The following WDR59 variants were observed in gnomAD, a reference collection of about 807,000 sequenced individuals.
WDR59 encodes the protein GATOR2 complex protein WDR59.
Under a neutral mutation model 131.2 loss-of-function variants are expected in WDR59, and 100 were observed. The observed-to-expected ratio is 0.76, with a 90% CI of 0.65 to 0.90. The LOEUF (loss-of-function observed/expected upper bound fraction) is 0.90. WDR59 is among the 40% of genes least tolerant of loss of function. WDR59 has a pLI of 0.00. For missense variants in WDR59, 1,203 were observed against 1,262.2 expected, an observed-to-expected ratio of 0.95 and a Z score of 0.71; for synonymous variants, 601 against 466.2, an observed-to-expected ratio of 1.29 and a Z score of -3.72.
intron 1 of WDR59, among the ~76,000 whole-genome samples, chr16:74,971,426 CTT>C (rs58120924): frequency 1.7e-4 from 15 of 90,184 alleles, no homozygotes; most frequent in East Asian, 9.8e-4. Context: ...TCTTTCCTTC[CTT>C]TTTTTTTTTT....
chr16:74,981,837 G>A (rs186418705), intron 1 of WDR59, among the ~76,000 whole-genome samples: 6,834 of 140,310 alleles, frequency 0.049, 172 homozygotes, highest in South Asian at 0.073. Flanking sequence ...TGTATCTTTA[G>A]TAGAGATAGG....
intron 17 of WDR59, among the ~76,000 whole-genome samples, chr16:74,905,445 G>A (rs1388377409): frequency 6.6e-6 from 1 of 151,868 alleles, no homozygotes; most frequent in Non-Finnish European, 1.5e-5. Context: ...ACTTTGGAAG[G>A]CTGAGGCAGG....
chr16:74,972,908 C>A (rs538949129), intron 1 of WDR59, among the ~76,000 whole-genome samples: 1 of 148,768 alleles, frequency 6.7e-6, no homozygotes, highest in Admixed American at 6.7e-5. Context: ...AGGGTCCGAC[C>A]ATTTCAGAGG....
intron 7 of WDR59, among the ~76,000 whole-genome samples, chr16:74,938,685 C>G (rs940540565): frequency 6.6e-6 from 1 of 152,092 alleles, no homozygotes; most frequent in African/African-American, 2.4e-5. Context: ...TACAGGTGCA[C>G]ACCACTAAGC....
At chr16:74,981,385 A>C (rs2034397597) in intron 1 of WDR59, among the ~76,000 whole-genome samples, 1 of 145,904 alleles carries the variant, frequency 6.9e-6, no homozygotes, top group Non-Finnish European at 1.5e-5. Context: ...CAAAAAAAAA[A>C]CAAAAAAAAC....
chr16:74,939,820 C>G (rs1049005317), intron 7 of WDR59, among the ~76,000 whole-genome samples: 4 of 151,742 alleles, frequency 2.6e-5, no homozygotes, highest in African/African-American at 9.7e-5. Flanking sequence ...AGATTCCCAT[C>G]TCTACAAGAA....
At chr16:74,932,370 A>T (rs1207807412) in intron 8 of WDR59, among the ~76,000 whole-genome samples, 3 of 151,772 alleles carry the variant, frequency 2.0e-5, no homozygotes, top group Non-Finnish European at 4.4e-5. Context: ...GATTACAGGC[A>T]TGAGCCACCA....
intron 18 of WDR59, among the ~76,000 whole-genome samples, chr16:74,897,411 T>G (rs1015810948): frequency 1.3e-5 from 2 of 152,182 alleles, no homozygotes; most frequent in East Asian, 1.9e-4. Context: ...ATTTGCAGCT[T>G]TGGGTTACAA....
At chr16:74,931,111 T>C (rs776355943) in intron 8 of WDR59, among the ~76,000 whole-genome samples, 1 of 152,038 alleles carries the variant, frequency 6.6e-6, no homozygotes, top group Non-Finnish European at 1.5e-5. Context: ...TATCACAGTA[T>C]AAACATTGAT....
At chr16:74,952,828 G>A (rs1015050166) in intron 3 of WDR59, among the ~76,000 whole-genome samples, 14 of 151,656 alleles carry the variant, frequency 9.2e-5, no homozygotes, top group East Asian at 5.8e-4. Context: ...ACAGACAGAC[G>A]TATAAAATTC....
At chr16:74,889,268 G>T (rs925112637) in intron 21 of WDR59, among the ~76,000 whole-genome samples, 3 of 152,170 alleles carry the variant, frequency 2.0e-5, no homozygotes, top group Non-Finnish European at 2.9e-5. Flanking sequence ...GAACGCAAAG[G>T]CAATGTTTTC....
chr16:74,971,722 A>G (rs545231182), intron 1 of WDR59, among the ~76,000 whole-genome samples: 39 of 151,700 alleles, frequency 2.6e-4, no homozygotes, highest in African/African-American at 7.0e-4. Flanking sequence ...TGTGAGCCAC[A>G]GCACCCAGCC....
chr16:74,970,527 A>AAAAAAAAG (rs2033942219), intron 1 of WDR59, among the ~76,000 whole-genome samples: 2 of 144,584 alleles, frequency 1.4e-5, no homozygotes, highest in African/African-American at 5.3e-5. Context: ...AAAAAAAAAA[A>AAAAAAAAG]GCAGCTCTCC....
chr16:74,877,888 T>C (rs1964292080), intron 25 of WDR59, among the ~76,000 whole-genome samples: 1 of 152,246 alleles, frequency 6.6e-6, no homozygotes, highest in East Asian at 1.9e-4. Flanking sequence ...CCAAGTATGT[T>C]GCAATGTCTT....
chr16:74,944,612 C>A (rs2032476728), intron 6 of WDR59, among the ~76,000 whole-genome samples: 1 of 151,908 alleles, frequency 6.6e-6, no homozygotes. Context: ...GAGATGGGGA[C>A]CACAGGCTCT....
chr16:74,888,076 C>A, intron 22 of WDR59, 93 bp downstream of exon 22: 1 of 1,430,528 alleles, frequency 7.0e-7, no homozygotes. Context: ...TGAGATCATG[C>A]CATTGCACTC....
chr16:74,896,581 G>C (rs769461011), intron 18 of WDR59, among the ~76,000 whole-genome samples: 1 of 151,700 alleles, frequency 6.6e-6, no homozygotes, highest in Non-Finnish European at 1.5e-5. Flanking sequence ...GTTGCAGTGA[G>C]CTGAGGTCGC....
At chr16:74,983,911 C>G (rs111672317) in intron 1 of WDR59, among the ~76,000 whole-genome samples, 1 of 151,606 alleles carries the variant, frequency 6.6e-6, no homozygotes, top group East Asian at 1.9e-4. Flanking sequence ...CCCAGGAGGT[C>G]GAAGCTGAAC....
chr16:74,905,206 T>A (rs2144895891), intron 17 of WDR59, among the ~76,000 whole-genome samples: 1 of 151,748 alleles, frequency 6.6e-6, no homozygotes, highest in South Asian at 2.1e-4. Flanking sequence ...AGAAACCCCA[T>A]CACTACTAAA....
Sources: gnomAD v4.1 joint callset for allele counts (sites outside exome capture counted in the v4.1 genomes callset) on GRCh38, gnomAD v4.1.1 for gene constraint, MANE v1.5 for transcripts, NCBI Gene and HGNC (gene_info 2026-07-23, HGNC 2026-07-21) for gene names.